Variants in KAT14 observed in about 807,000 individuals in gnomAD.
KAT14 encodes the protein lysine acetyltransferase 14, also known as cysteine-rich protein 2-binding protein.
In KAT14, 66 loss-of-function variants were observed where a neutral mutation model predicts 78.4. The ratio of observed to expected loss-of-function variants is 0.84; its 90% CI spans 0.69 to 1.03. The LOEUF is 1.03. Ranked by LOEUF, KAT14 falls within the 50% of genes least tolerant of loss-of-function variation. KAT14 has a pLI of 0.00. For missense variants in KAT14, 870 were observed against 972.5 expected, an observed-to-expected ratio of 0.89 and a Z score of 1.40; for synonymous variants, 344 against 359.4, an observed-to-expected ratio of 0.96 and a Z score of 0.48.
chr20:18,156,726 A>G (rs1214030672), intron 4 of KAT14, among the ~76,000 whole-genome samples: 2 of 152,116 alleles, frequency 1.3e-5, no homozygotes, highest in East Asian at 3.9e-4. Context: ...TGGCTTGTAG[A>G]TGACGTTCTC....
chr20:18,186,066 G>A (rs574583496), intron 10 of KAT14, among the ~76,000 whole-genome samples: 13 of 152,236 alleles, frequency 8.5e-5, no homozygotes, highest in South Asian at 8.3e-4. Flanking sequence ...ATTTGCTGCC[G>A]TATCTGTCAC....
intron 7 of KAT14, among the ~76,000 whole-genome samples, chr20:18,174,217 T>C (rs754679273): frequency 2.8e-4 from 42 of 152,254 alleles, no homozygotes; most frequent in Non-Finnish European, 4.4e-4. Context: ...CATTCATCAG[T>C]TGATGGACTT....
intron 7 of KAT14, 47 bp from the exon 8 acceptor site, chr20:18,181,663 C>G: frequency 6.2e-7 from 1 of 1,611,870 alleles, no homozygotes; most frequent in East Asian, 2.2e-5. Flanking sequence ...GCCACTGTGC[C>G]CAGCCTGAGT....
At chr20:18,147,837 C>T (rs950851079) in intron 3 of KAT14, among the ~76,000 whole-genome samples, 35 of 152,330 alleles carry the variant, frequency 2.3e-4, no homozygotes, top group Admixed American at 2.0e-3. Flanking sequence ...CCACCCACCT[C>T]GGCATCCCAA....
upstream of KAT14, among the ~76,000 whole-genome samples, chr20:18,137,503 G>A (rs1428820202): frequency 6.6e-6 from 1 of 152,194 alleles, no homozygotes; most frequent in Admixed American, 6.5e-5. Flanking sequence ...CTGCGTTTAG[G>A]CGAAGCCGGT....
intron 3 of KAT14, among the ~76,000 whole-genome samples, chr20:18,148,150 G>A (rs945094123): frequency 9.9e-5 from 15 of 152,270 alleles, no homozygotes; most frequent in Admixed American, 2.6e-4. Flanking sequence ...TGGGTTTTCC[G>A]TCTTTAAATT....
In KAT14 at chr20:18,162,759, GA is replaced by G; in HGVS notation, c.1483del (p.Ile495LeufsTer26). 1.9e-6 allele frequency: 3 copies of G among 1,614,238 alleles called. No homozygotes were observed. The highest frequency in any genetic ancestry group is 2.5e-6 in the Non-Finnish European group (3 of 1,180,050). On this transcript the variant is annotated frameshift_variant, in exon 7 of 11. Coordinates refer to ENST00000688188, the MANE Select transcript of KAT14 (RefSeq NM_001392073.1). LOFTEE classifies it high-confidence loss of function. ...AAGCTCGGAGACTGAAACGCAAACTGATTGTCAGACAAGCGAAAAGGGATAG... is the reference window on the plus strand; with the variant it reads ...AAGCTCGGAGACTGAAACGCAAACTGTTGTCAGACAAGCGAAAAGGGATAG... ...PEARRLKRKL[I>X]VRQAKRDRGL...
chr20:18,140,538 G>A (rs1008078558), intron 1 of KAT14, among the ~76,000 whole-genome samples: 3 of 151,928 alleles, frequency 2.0e-5, no homozygotes, highest in Non-Finnish European at 4.4e-5. Flanking sequence ...GGCCAGGCAC[G>A]GTAGCTCATG....
intron 3 of KAT14, among the ~76,000 whole-genome samples, chr20:18,146,493 C>T (rs1417279831): frequency 1.3e-5 from 2 of 152,040 alleles, no homozygotes; most frequent in African/African-American, 2.4e-5. Flanking sequence ...AACACCGTCT[C>T]TACTAAAAAT....
chr20:18,166,456 A>G (rs2038645772), intron 7 of KAT14, among the ~76,000 whole-genome samples: 1 of 152,254 alleles, frequency 6.6e-6, no homozygotes, highest in Non-Finnish European at 1.5e-5. Context: ...TCCAACGGTT[A>G]CAGAGGATAG....
At chr20:18,140,730 T>G (rs2037504349) in intron 1 of KAT14, among the ~76,000 whole-genome samples, 1 of 147,340 alleles carries the variant, frequency 6.8e-6, no homozygotes. Flanking sequence ...AAGAATCGCT[T>G]TAACTCAGAA....
At chr20:18,178,063 G>A (rs553135271) in intron 7 of KAT14, among the ~76,000 whole-genome samples, 11 of 150,768 alleles carry the variant, frequency 7.3e-5, no homozygotes, top group African/African-American at 2.7e-4. Flanking sequence ...AGCCAAGATC[G>A]CACCACTGCA....
Position 18,187,367 on chromosome 20 carries a change from A to G in KAT14, c.2254A>G (p.Thr752Ala), listed in dbSNP as rs2039482357. The G allele has an allele frequency of 6.2e-7, 1 of 1,614,208 alleles. No homozygotes were observed. Among genetic ancestry groups the G allele is most frequent in the African/African-American group, 1.3e-5 (1 of 75,070 alleles). The part of the protein sequence containing the change: ...MLLYQKFGFK[T>A]EEYVLDFYDK... ...ACTGTACCAGAAGTTTGGATTCAAG[A>G]CTGAAGAATATGTATTAGATTTCTA... Residue 752 changes from threonine (T) to alanine (A), a missense_variant, in exon 11 of 11, where the codon ACT (threonine) becomes GCT (alanine). Coordinates refer to ENST00000688188, the MANE Select transcript of KAT14 (RefSeq NM_001392073.1).
In KAT14 at chr20:18,187,381, A is replaced by G. The variant is rs2146554560; in HGVS notation, c.2268A>G (p.Val756=). 1.2e-6 allele frequency: 2 copies of G among 1,614,236 alleles called. No individual in the cohort carries two copies. The highest frequency in any genetic ancestry group is 1.7e-6 in the Non-Finnish European group (2 of 1,180,044). The change falls in exon 11 of 11, where the codon GTA becomes GTG. Residue 756 remains valine (V), a synonymous_variant. Transcript: ENST00000688188. The part of the protein sequence containing the change: ...QKFGFKTEEY[V]LDFYDKYYPL... Reference sequence around the variant, plus strand: ...TTGGATTCAAGACTGAAGAATATGTATTAGATTTCTATGATAAATATTACC... The same window carrying G: ...TTGGATTCAAGACTGAAGAATATGTGTTAGATTTCTATGATAAATATTACC...
intron 4 of KAT14, among the ~76,000 whole-genome samples, chr20:18,158,002 G>A (rs1012966817): frequency 6.6e-6 from 1 of 152,102 alleles, no homozygotes. Flanking sequence ...CAATGGTGCA[G>A]TCTTGGCTCA....
chr20:18,158,954 C>T (rs1205229), intron 4 of KAT14, 130 bp from the exon 5 acceptor site: 12 of 1,139,620 alleles, frequency 1.1e-5, no homozygotes, highest in Middle Eastern at 3.1e-4. Flanking sequence ...TCCTGCCTCT[C>T]GTGCTCTGCT....
chr20:18,183,690 G>T (rs2039349435), intron 9 of KAT14: 1 of 292,094 alleles, frequency 3.4e-6, no homozygotes. Flanking sequence ...TCCTTAGAGA[G>T]TATTAGTACA....
At chr20:18,161,106 G>A (rs185001164) in intron 5 of KAT14, among the ~76,000 whole-genome samples, 232 of 150,418 alleles carry the variant, frequency 1.5e-3, no homozygotes, top group Non-Finnish European at 2.4e-3. Flanking sequence ...CCCGGGAGGC[G>A]GAGGTTGCAG....
rs2038442061 is a variant in KAT14, at chr20:18,161,950, TA to T, written c.811del (p.Arg271GlufsTer20). ...CTCGAACTCAGGAAGCAAAAGACAT[TA>T]GAAGAGCCCAGAAGGAGGCCGCTGG... The part of the protein sequence containing the change: ...RSRTQEAKDI[R>X]RAQKEAAGFL... On this transcript the variant is annotated frameshift_variant, in exon 6 of 11. Coordinates refer to ENST00000688188, the MANE Select transcript of KAT14 (RefSeq NM_001392073.1). LOFTEE classifies it high-confidence loss of function. The T allele has an allele frequency of 6.2e-7, 1 of 1,614,106 alleles. No individual in the cohort carries two copies. Among genetic ancestry groups the T allele is most frequent in the Admixed American group, 1.7e-5 (1 of 60,014 alleles).
Sources: gnomAD v4.1 joint callset for allele counts (sites outside exome capture counted in the v4.1 genomes callset) on GRCh38, gnomAD v4.1.1 for gene constraint, MANE v1.5 for transcripts, NCBI Gene and HGNC (gene_info 2026-07-23, HGNC 2026-07-21) for gene names.